DLG2: variants seen among roughly 807,000 people sequenced by gnomAD.
DLG2 encodes the protein discs large MAGUK scaffold protein 2.
Under a neutral mutation model 132.5 loss-of-function variants are expected in DLG2, and 45 were observed. The ratio of observed to expected loss-of-function variants is 0.34; its 90% CI spans 0.27 to 0.44. DLG2 has a LOEUF of 0.44. Ranked by LOEUF, DLG2 falls within the 20% of genes least tolerant of loss-of-function variation. The pLI is 1.00. For missense variants in DLG2, 1,045 were observed against 1,196.9 expected, an observed-to-expected ratio of 0.87 and a Z score of 1.87; for synonymous variants, 424 against 419.6, an observed-to-expected ratio of 1.01 and a Z score of -0.13.
In DLG2 at chr11:84,313,455, T is replaced by A. The variant is rs543307640; in HGVS notation, c.520-62164A>T. 1.4e-4 allele frequency among the ~76,000 whole-genome samples: 21 copies of A among 146,816 alleles called. No homozygotes were observed. In the South Asian group the frequency reaches 4.1e-3, roughly 28 times the overall value. ...ATACACACAAGGCCTGACAGAATAG[T>A]ACATAGTAGGCATTCAGTACATGAT... is the stretch of plus-strand genomic sequence containing the variant. On this transcript the variant is annotated intron_variant, in intron 7 of 27. Transcript: ENST00000376104.
intron 4 of DLG2, among the ~76,000 whole-genome samples, chr11:85,282,511 TAAAAA>T (rs1467524045): frequency 2.8e-5 from 1 of 36,050 alleles, no homozygotes; most frequent in East Asian, 3.9e-4. Flanking sequence ...TAATTAAAAA[TAAAAA>T]TTAAGAAAAA....
intron 3 of DLG2, among the ~76,000 whole-genome samples, chr11:85,406,864 A>G (rs971229060): frequency 2.0e-5 from 3 of 151,932 alleles, no homozygotes; most frequent in Non-Finnish European, 4.4e-5. Flanking sequence ...AAAATAAAGG[A>G]AGGAAATGAA....
chr11:83,778,321 G>A (rs1155310), intron 18 of DLG2, among the ~76,000 whole-genome samples: 33,712 of 151,934 alleles, frequency 0.22, 4,759 homozygotes, highest in African/African-American at 0.4. Flanking sequence ...TCTGGGTGTT[G>A]CTAATGATAG....
chr11:83,994,605 T>C (rs1359455454), intron 11 of DLG2, among the ~76,000 whole-genome samples: 1 of 152,146 alleles, frequency 6.6e-6, no homozygotes, highest in African/African-American at 2.4e-5. Flanking sequence ...ATAAGCATAC[T>C]TTAACAAACC....
At chr11:84,467,369 T>C (rs909321723) in intron 7 of DLG2, among the ~76,000 whole-genome samples, 3 of 151,356 alleles carry the variant, frequency 2.0e-5, no homozygotes, top group Non-Finnish European at 4.4e-5. Context: ...TTTAAGATAA[T>C]GAAAGAAAAC....
intron 18 of DLG2, among the ~76,000 whole-genome samples, chr11:83,784,780 C>T (rs1480975787): frequency 6.6e-6 from 1 of 152,168 alleles, no homozygotes; most frequent in Admixed American, 6.5e-5. Flanking sequence ...TATTTGAACA[C>T]TTGATCACTA....
At position 84,267,810 on chromosome 11, in the gene DLG2, T is replaced by A. The variant is rs540880526; in HGVS notation, c.520-16519A>T. ...CAAACGTTCTCTGCTTCTCCATGGA[T>A]ATACTCAATTCTAGGCACCATTGTC... On this transcript the variant is annotated intron_variant, in intron 7 of 27. Transcript: ENST00000376104. Among the ~76,000 whole-genome samples the A allele has an allele frequency of 1.1e-4, 17 of 152,328 alleles. No individual in the cohort carries two copies. In the East Asian group the frequency reaches 3.3e-3, roughly 29 times the overall value.
chr11:84,045,976 GA>G (rs1201981717), intron 11 of DLG2, among the ~76,000 whole-genome samples: 4 of 150,538 alleles, frequency 2.7e-5, no homozygotes. Flanking sequence ...CTCAATTATA[GA>G]AAAAAAAATC....
intron 6 of DLG2, among the ~76,000 whole-genome samples, chr11:84,695,593 T>C (rs1366094987): frequency 6.6e-6 from 1 of 151,568 alleles, no homozygotes; most frequent in East Asian, 1.9e-4. Flanking sequence ...GATTTGAACA[T>C]TTTGCATGGA....
chr11:85,152,175 C>T (rs1594873512), intron 5 of DLG2, among the ~76,000 whole-genome samples: 1 of 151,864 alleles, frequency 6.6e-6, no homozygotes, highest in East Asian at 1.9e-4. Context: ...CTCTAAAGTA[C>T]ATGATCATTC....
chr11:83,753,818 ATATTT>A (rs2093473002), intron 18 of DLG2, among the ~76,000 whole-genome samples: 1 of 70,368 alleles, frequency 1.4e-5, no homozygotes, highest in Admixed American at 1.2e-4. Context: ...TATCATATAT[ATATTT>A]CATATATATA....
intron 3 of DLG2, among the ~76,000 whole-genome samples, chr11:85,406,673 T>C (rs1015282414): frequency 6.6e-6 from 1 of 151,956 alleles, no homozygotes; most frequent in African/African-American, 2.4e-5. Flanking sequence ...CTCATCAGCA[T>C]GACTTTTATT....
intron 4 of DLG2, among the ~76,000 whole-genome samples, chr11:85,243,641 T>C (rs986132649): frequency 6.6e-6 from 1 of 151,834 alleles, no homozygotes; most frequent in Non-Finnish European, 1.5e-5. Flanking sequence ...CCAGTTTTAT[T>C]GCAAAGTCAA....
At chr11:83,499,932 C>T (rs1326981044) in intron 21 of DLG2, among the ~76,000 whole-genome samples, 5 of 130,552 alleles carry the variant, frequency 3.8e-5, no homozygotes, top group Admixed American at 8.8e-5. Context: ...CTGACTAATA[C>T]GACAGTCAAG....
At chr11:83,844,547 C>CAAAAAAAAAAAAAAAAAAAAAAAAAAAAA (rs59755957) in intron 16 of DLG2, among the ~76,000 whole-genome samples, 1 of 70,660 alleles carries the variant, frequency 1.4e-5, no homozygotes, top group African/African-American at 5.5e-5. Flanking sequence ...GAGTCTGTAT[C>CAAAAAAAAAAAAAAAAAAAAAAAAAAAAA]AAAAAAAAAA....
In DLG2 at chr11:84,045,007, ATGGTTTTGGTTGCTAAT is replaced by A. The variant is rs759551875; in HGVS notation, c.919+14291_919+14307del. Among the ~76,000 whole-genome samples, 56 of 151,780 alleles carry A rather than the reference ATGGTTTTGGTTGCTAAT, an allele frequency of 3.7e-4. 3 individuals are homozygous for A. The Middle Eastern group carries it at 0.034, about 92-fold the overall frequency. Reference sequence around the variant, plus strand: ...TTGTCACTGTAGGCAAAATTTTCTAATGGTTTTGGTTGCTAATTGTCCCTAAGTTTTACTCATTTTGT... The same window carrying A: ...TTGTCACTGTAGGCAAAATTTTCTAATGTCCCTAAGTTTTACTCATTTTGT... On this transcript the variant is annotated intron_variant, in intron 11 of 27. Transcript: ENST00000376104.
At chr11:85,469,878 C>G (rs1040544194) in intron 3 of DLG2, among the ~76,000 whole-genome samples, 3 of 152,130 alleles carry the variant, frequency 2.0e-5, no homozygotes, top group African/African-American at 7.2e-5. Context: ...GTAAATATGA[C>G]CCACCTAAAT....
chr11:84,748,727 A>G (rs2065718490), intron 6 of DLG2, among the ~76,000 whole-genome samples: 1 of 152,212 alleles, frequency 6.6e-6, no homozygotes, highest in Admixed American at 6.5e-5. Context: ...AAATTAAGTC[A>G]TCTTGGTATA....
At chr11:84,168,216 A>T (rs1811740212) in intron 8 of DLG2, among the ~76,000 whole-genome samples, 1 of 152,256 alleles carries the variant, frequency 6.6e-6, no homozygotes. Context: ...TACAAGAGTG[A>T]TATCTAATAT....
Sources: allele counts gnomAD v4.1 joint callset (sites outside exome capture counted in the v4.1 genomes callset), GRCh38; gene constraint gnomAD v4.1.1; transcripts MANE v1.5; gene names NCBI Gene and HGNC (gene_info 2026-07-23, HGNC 2026-07-21).